The following CT45A10 variants were observed in gnomAD, a reference collection of about 807,000 sequenced individuals.
CT45A10 encodes cancer/testis antigen family 45 member A10.
CT45A10 carries 19 observed loss-of-function variants against 8.3 expected under a neutral mutation model. That is an observed-to-expected ratio of 2.30 (90% CI 1.61 to 3.38). CT45A10 has a LOEUF of 3.38. Among genes scored for constraint, CT45A10 ranks in the 30% most tolerant of loss-of-function variants. The pLI is 0.00. For missense variants in CT45A10, 149 were observed against 85.9 expected (o/e 1.73, Z -2.90); for synonymous variants, 28 against 26.5 (o/e 1.06, Z -0.17).
Position 135,892,781 on chromosome X carries a change from C to T in CT45A10, c.-7+564G>A, listed in dbSNP as rs1375349824. Reference sequence around the variant, plus strand: ...AAAGCCAACACATCCTAGCTGAGAGCGAGCAACATCTAAGGACAAATGTGC... The same window carrying T: ...AAAGCCAACACATCCTAGCTGAGAGTGAGCAACATCTAAGGACAAATGTGC... On this transcript the variant is annotated intron_variant, in intron 1 of 4. Transcript: ENST00000682849. 2.7e-5 allele frequency among the ~76,000 whole-genome samples: 3 copies of T among 112,109 alleles called. No homozygotes were observed. The East Asian group carries it at 8.4e-4, about 31-fold the overall frequency.
chrX:135,889,576 C>T (rs868965101), intron 1 of CT45A10, among the ~76,000 whole-genome samples: 23 of 111,302 alleles, frequency 2.1e-4, no homozygotes, highest in Admixed American at 1.9e-3. Flanking sequence ...CCCGACCGGG[C>T]GCAGTGGCTC....
At chrX:135,890,728 A>C (rs5975627) in intron 1 of CT45A10, among the ~76,000 whole-genome samples, 2 of 110,879 alleles carry the variant, frequency 1.8e-5, no homozygotes, top group Admixed American at 1.9e-4. Flanking sequence ...CAGAATGAAC[A>C]TACCAATCAT....
In CT45A10 at chrX:135,892,249, A is replaced by G. The variant is rs186735883; in HGVS notation, c.-7+1096T>C. 1.6e-3 allele frequency among the ~76,000 whole-genome samples: 174 copies of G among 111,280 alleles called. 1 individual carries two copies. Among genetic ancestry groups the G allele is most frequent in the African/African-American group, 5.3e-3 (163 of 30,570 alleles). ...AATCGAGCGAGCCTGGGAGCCCAAA[A>G]AACAATCAAAAATCGATAAATTAAC... is the stretch of plus-strand genomic sequence containing the variant. On this transcript the variant is annotated intron_variant, in intron 1 of 4. Coordinates refer to ENST00000682849, the MANE Select transcript of CT45A10 (RefSeq NM_001291529.2).
intron 1 of CT45A10, among the ~76,000 whole-genome samples, chrX:135,890,761 A>G (rs1291015751): frequency 8.9e-6 from 1 of 112,477 alleles, no homozygotes; most frequent in African/African-American, 3.2e-5. Context: ...CGTGTTAACA[A>G]AATTTTTTCT....
intron 1 of CT45A10, among the ~76,000 whole-genome samples, chrX:135,890,406 G>A (rs928632352): frequency 8.9e-6 from 1 of 112,274 alleles, no homozygotes; most frequent in Non-Finnish European, 1.9e-5. Flanking sequence ...GCAGGCCCCC[G>A]CGGAGGATCA....
intron 1 of CT45A10, among the ~76,000 whole-genome samples, chrX:135,889,510 C>T (rs2088478093): frequency 1.8e-5 from 2 of 109,646 alleles, no homozygotes; most frequent in Admixed American, 1.9e-4. Context: ...GAAAAAGAAG[C>T]AACAACAACA....
chrX:135,889,977 C>A (rs781871002), intron 1 of CT45A10, among the ~76,000 whole-genome samples: 5 of 111,928 alleles, frequency 4.5e-5, no homozygotes, highest in African/African-American at 1.3e-4. Context: ...TGAAAAAAAG[C>A]ATTGTAAAAC....
intron 1 of CT45A10, among the ~76,000 whole-genome samples, chrX:135,890,484 G>T (rs1556589694): frequency 8.9e-6 from 1 of 112,461 alleles, no homozygotes; most frequent in Non-Finnish European, 1.9e-5. Flanking sequence ...TGGTAAGACT[G>T]GTCTTTGGAA....
chrX:135,883,325 A>T (rs1440883866), intron 2 of CT45A10, 69 bp from the exon 3 acceptor site: 1 of 1,188,665 alleles, frequency 8.4e-7, no homozygotes, highest in East Asian at 3.0e-5. Context: ...CTCCACATAA[A>T]CCTCATGAAT....
chrX:135,882,640 T>G lies in CT45A10; in HGVS notation c.419-11A>C, dbSNP rs1241881054. 6.4e-5 allele frequency: 74 copies of G among 1,156,357 alleles called. No homozygotes were observed. In the East Asian group the frequency reaches 2.0e-3, roughly 31 times the overall value. On this transcript the variant is annotated splice_polypyrimidine_tract_variant and intron_variant, in intron 3 of 4. Coordinates refer to ENST00000682849, the MANE Select transcript of CT45A10 (RefSeq NM_001291529.2). ...AGATTTTTTCATATTCTGAAGATGTTGAAAAAAAAACTTCAGTATTATCAA... is the reference window on the plus strand; with the variant it reads ...AGATTTTTTCATATTCTGAAGATGTGGAAAAAAAAACTTCAGTATTATCAA...
rs2088499491 is a variant in CT45A10 at position 135,891,563 on chromosome X, T to C, written c.-7+1782A>G. Among the ~76,000 whole-genome samples, 4 of 110,195 alleles carry C rather than the reference T, an allele frequency of 3.6e-5. 1 individual carries two copies. The South Asian group carries it at 1.5e-3, about 42-fold the overall frequency. The stretch of plus-strand genomic sequence containing the variant: ...ATATCATAAGAGTCATACTCAAATA[T>C]ACCTTTAGTAATCACATAAAATATA... On this transcript the variant is annotated intron_variant, in intron 1 of 4. Transcript: ENST00000682849.
chrX:135,883,019 C>T lies in CT45A10; in HGVS notation c.407G>A (p.Cys136Tyr). ...CTTACACTACTTACTTCGTCCAAGG[C>T]ATCGGATTTCCTTCACTACTTGACA... The part of the protein sequence containing the change: ...IKCQVVKEIR[C>Y]LGRKYEKIFE... The change falls in exon 3 of 5, where the codon TGC (cysteine) becomes TAC (tyrosine). Residue 136 changes from cysteine (C) to tyrosine (Y), a missense_variant. Transcript: ENST00000682849. 2 of 1,198,353 alleles carry T rather than the reference C, an allele frequency of 1.7e-6. No homozygotes were observed. Among genetic ancestry groups the T allele is most frequent in the Non-Finnish European group, 2.3e-6 (2 of 885,466 alleles).
intron 1 of CT45A10, among the ~76,000 whole-genome samples, 55 bp downstream of exon 1, chrX:135,893,290 C>G (rs1477445813): frequency 9.0e-6 from 1 of 111,704 alleles, no homozygotes. Flanking sequence ...CTTTCCCGGG[C>G]GAAATTAAAG....
chrX:135,889,551 T>G (rs1213965669), intron 1 of CT45A10, among the ~76,000 whole-genome samples: 19 of 110,702 alleles, frequency 1.7e-4, no homozygotes, highest in Non-Finnish European at 2.8e-4. Flanking sequence ...GAGGGGGTTG[T>G]TTTTTAAAGT....
At chrX:135,893,219 A>T (rs183490086) in intron 1 of CT45A10, among the ~76,000 whole-genome samples, 126 bp downstream of exon 1, 3 of 110,980 alleles carry the variant, frequency 2.7e-5, no homozygotes, top group African/African-American at 9.8e-5. Context: ...TTCCCAGGGA[A>T]CCCTACCACA....
chrX:135,889,876 C>T (rs2088483740), intron 1 of CT45A10, among the ~76,000 whole-genome samples: 1 of 110,294 alleles, frequency 9.1e-6, no homozygotes, highest in African/African-American at 3.3e-5. Flanking sequence ...ACCTTGGCAC[C>T]ACCACCCGGC....
intron 4 of CT45A10, 56 bp downstream of exon 4, chrX:135,882,480 G>A: frequency 1.5e-6 from 1 of 675,265 alleles, no homozygotes; most frequent in Non-Finnish European, 2.2e-6. Flanking sequence ...CTCATCCCCA[G>A]TACTCTATTG....
chrX:135,891,587 T>C (rs1378775488), intron 1 of CT45A10, among the ~76,000 whole-genome samples: 2 of 110,030 alleles, frequency 1.8e-5, no homozygotes, highest in Admixed American at 9.8e-5. Context: ...ACATAAAATA[T>C]ACCCGGACTC....
In CT45A10 at chrX:135,882,592, T is replaced by C; in HGVS notation, c.456A>G (p.Gln152=). ...ATCGTTTCCTGACTGCAGTAGGTCC[T>C]TGCACTCCTTCAAGCATTTCGAAGA... ...EKIFEMLEGV[Q]GPTAVRKRFF... The change falls in exon 4 of 5, where the codon CAA becomes CAG. Residue 152 remains glutamine, a synonymous_variant. Coordinates refer to ENST00000682849, the MANE Select transcript of CT45A10 (RefSeq NM_001291529.2). The C allele has an allele frequency of 3.5e-5, 41 of 1,161,441 alleles. 1 individual carries two copies. The highest frequency in any genetic ancestry group is 4.7e-5 in the Non-Finnish European group (41 of 870,753).
Sources: allele counts gnomAD v4.1 joint callset (sites outside exome capture counted in the v4.1 genomes callset), GRCh38; gene constraint gnomAD v4.1.1; transcripts MANE v1.5; gene names NCBI Gene and HGNC (gene_info 2026-07-23, HGNC 2026-07-21).